The following CADM2 variants were observed in gnomAD, a reference collection of about 807,000 sequenced individuals.
CADM2 encodes cell adhesion molecule 2.
Under a neutral mutation model 49.8 loss-of-function variants are expected in CADM2, and 12 were observed. That is an observed-to-expected ratio of 0.24 (90% CI 0.15 to 0.39). CADM2 has a LOEUF of 0.39. CADM2 is among the 10% of genes least tolerant of loss of function. CADM2 has a pLI of 1.00. For missense variants in CADM2, 378 were observed against 492.3 expected, an observed-to-expected ratio of 0.77 and a Z score of 2.20; for synonymous variants, 214 against 175.4, an observed-to-expected ratio of 1.22 and a Z score of -1.74.
At chr3:85,853,650 C>T (rs2075193402) in intron 3 of CADM2, among the ~76,000 whole-genome samples, 1 of 148,710 alleles carries the variant, frequency 6.7e-6, no homozygotes, top group South Asian at 2.1e-4. Context: ...TTAAATAAAA[C>T]CAAAACTAGA....
chr3:86,064,061 AT>A (rs907399810), intron 8 of CADM2, among the ~76,000 whole-genome samples: 15 of 140,002 alleles, frequency 1.1e-4, no homozygotes, highest in African/African-American at 2.6e-4. Flanking sequence ...ATATATATAC[AT>A]TTTTTTATTA....
intron 3 of CADM2, among the ~76,000 whole-genome samples, chr3:85,810,146 A>G (rs1291419455): frequency 6.6e-6 from 1 of 152,136 alleles, no homozygotes; most frequent in Non-Finnish European, 1.5e-5. Context: ...AGTTACAGTT[A>G]TGGGAGAAGG....
At chr3:85,719,624 C>T (rs1416501225) in intron 1 of CADM2, among the ~76,000 whole-genome samples, 1 of 151,364 alleles carries the variant, frequency 6.6e-6, no homozygotes, top group East Asian at 1.9e-4. Flanking sequence ...TCTGAATCCT[C>T]ATCTTCTTCA....
chr3:85,245,294 C>A (rs111784106), intron 1 of CADM2, among the ~76,000 whole-genome samples: 1 of 151,910 alleles, frequency 6.6e-6, no homozygotes, highest in African/African-American at 2.4e-5. Context: ...GGGCGGATCA[C>A]GAGGTCAGGA....
At chr3:85,268,741 G>A (rs542740462) in intron 1 of CADM2, among the ~76,000 whole-genome samples, 1 of 151,258 alleles carries the variant, frequency 6.6e-6, no homozygotes, top group Non-Finnish European at 1.5e-5. Flanking sequence ...CAAGCCTGGT[G>A]ATTTATCTCT....
intron 1 of CADM2, among the ~76,000 whole-genome samples, chr3:85,333,060 C>G (rs576564996): frequency 6.6e-6 from 1 of 151,654 alleles, no homozygotes; most frequent in Non-Finnish European, 1.5e-5. Flanking sequence ...TTTTCATTGT[C>G]TCGTTAGACA....
intron 3 of CADM2, among the ~76,000 whole-genome samples, chr3:85,844,168 T>C (rs1252027537): frequency 6.6e-6 from 1 of 152,108 alleles, no homozygotes; most frequent in Non-Finnish European, 1.5e-5. Context: ...AATCCAGCTA[T>C]CAGAGATTTC....
chr3:86,008,182 T>A (rs1170645020), intron 8 of CADM2, among the ~76,000 whole-genome samples: 1 of 152,124 alleles, frequency 6.6e-6, no homozygotes, highest in Non-Finnish European at 1.5e-5. Context: ...AATGTAAAAC[T>A]GAATATCTTT....
intron 1 of CADM2, among the ~76,000 whole-genome samples, chr3:85,526,922 A>C (rs2061170428): frequency 6.6e-6 from 1 of 152,214 alleles, no homozygotes; most frequent in East Asian, 1.9e-4. Context: ...TAGGATTTGA[A>C]CACAATTCAG....
At chr3:85,967,996 C>G (rs76391800) in intron 8 of CADM2, among the ~76,000 whole-genome samples, 1,680 of 151,536 alleles carry the variant, frequency 0.011, 23 homozygotes, top group African/African-American at 0.037. Flanking sequence ...TCCTTTGGAG[C>G]ATTTTTCTTA....
chr3:85,487,502 TAGGAGGAAGTGGAGGAGGAGA>T (rs1370803950), intron 1 of CADM2, among the ~76,000 whole-genome samples: 2 of 130,354 alleles, frequency 1.5e-5, no homozygotes, highest in African/African-American at 5.9e-5. Context: ...GGAAGAGGAG[TAGGAGGAAGTGGAGGAGGAGA>T]AGGAGGAAGT....
chr3:86,045,318 G>T (rs1736526874), intron 8 of CADM2, among the ~76,000 whole-genome samples: 2 of 152,100 alleles, frequency 1.3e-5, no homozygotes, highest in African/African-American at 2.4e-5. Flanking sequence ...AAATCGAATG[G>T]CTGATTTGTT....
intron 1 of CADM2, among the ~76,000 whole-genome samples, chr3:85,468,143 G>C (rs1455082823): frequency 1.9e-5 from 2 of 107,802 alleles, no homozygotes; most frequent in East Asian, 5.7e-4. Context: ...GACAGAGCGA[G>C]ACTCCGTCTC....
intron 1 of CADM2, among the ~76,000 whole-genome samples, chr3:85,632,441 A>G (rs2064342224): frequency 6.6e-6 from 1 of 152,186 alleles, no homozygotes; most frequent in Non-Finnish European, 1.5e-5. Context: ...CAATAATATC[A>G]GAGTCAGAAT....
At chr3:86,011,286 C>G (rs1043769551) in intron 8 of CADM2, among the ~76,000 whole-genome samples, 3 of 152,044 alleles carry the variant, frequency 2.0e-5, no homozygotes, top group Non-Finnish European at 4.4e-5. Context: ...AATCACTAAT[C>G]TTTAAAAAGT....
intron 1 of CADM2, among the ~76,000 whole-genome samples, chr3:85,120,100 G>T (rs943541455): frequency 6.6e-6 from 1 of 152,120 alleles, no homozygotes; most frequent in African/African-American, 2.4e-5. Context: ...CATTAACACT[G>T]GTCATCAGAG....
At chr3:85,940,199 C>T (rs961489778) in intron 7 of CADM2, among the ~76,000 whole-genome samples, 7 of 141,264 alleles carry the variant, frequency 5.0e-5, no homozygotes, top group South Asian at 2.2e-4. Flanking sequence ...AATAGCCGGG[C>T]GTGGTGGTGG....
At chr3:85,299,021 A>G (rs896533277) in intron 1 of CADM2, among the ~76,000 whole-genome samples, 2 of 152,080 alleles carry the variant, frequency 1.3e-5, no homozygotes, top group Non-Finnish European at 2.9e-5. Context: ...TGTATCCACT[A>G]GAAGACTGAG....
At chr3:85,265,588 G>A (rs1476419176) in intron 1 of CADM2, among the ~76,000 whole-genome samples, 1 of 151,938 alleles carries the variant, frequency 6.6e-6, no homozygotes, top group Non-Finnish European at 1.5e-5. Context: ...ATGCATTAGG[G>A]CAGAGCCCTC....
Sources: gnomAD v4.1 joint callset for allele counts (sites outside exome capture counted in the v4.1 genomes callset) on GRCh38, gnomAD v4.1.1 for gene constraint, MANE v1.5 for transcripts, NCBI Gene and HGNC (gene_info 2026-07-23, HGNC 2026-07-21) for gene names.